PROSER2: variants seen among roughly 807,000 people sequenced by gnomAD.
PROSER2 encodes the protein proline and serine rich 2.
PROSER2 carries 18 observed loss-of-function variants against 14.6 expected under a neutral mutation model. That is an observed-to-expected ratio of 1.23 (90% CI 0.85 to 1.83). PROSER2 has a LOEUF of 1.83. Among genes scored for constraint, PROSER2 ranks in the 40% most tolerant of loss-of-function variants. The pLI is 0.00. For synonymous variants in PROSER2, 367 were observed against 286.4 expected (o/e 1.28, Z -2.84); for missense variants, 823 against 629.8 (o/e 1.31, Z -3.28).
chr10:11,840,918 G>A (rs1230280829), intron 1 of PROSER2, among the ~76,000 whole-genome samples: 2 of 76,100 alleles, frequency 2.6e-5, no homozygotes, highest in Non-Finnish European at 4.6e-5. Flanking sequence ...GAGTGAGACT[G>A]TCTCAAAAAA....
chr10:11,829,239 C>T (rs769766994), intron 1 of PROSER2, among the ~76,000 whole-genome samples: 16 of 151,582 alleles, frequency 1.1e-4, no homozygotes, highest in Non-Finnish European at 2.2e-4. Flanking sequence ...GGGAAGACAC[C>T]TGGGCATGTC....
Position 11,865,657 on chromosome 10 carries a change from C to T in PROSER2, c.139-874C>T, listed in dbSNP as rs1834329806. 6.6e-6 allele frequency among the ~76,000 whole-genome samples: 1 copy of T among 152,194 alleles called. No homozygotes were observed. Among genetic ancestry groups the T allele is most frequent in the Admixed American group, 6.5e-5 (1 of 15,280 alleles). ...GATTCCTCGGGTTCCCCAGAGATGA[C>T]ATGCACAGTCCTCCATCTGGAGGGC... is the stretch of plus-strand genomic sequence containing the variant. On this transcript the variant is annotated intron_variant, in intron 2 of 3. Coordinates refer to ENST00000277570, the MANE Select transcript of PROSER2 (RefSeq NM_153256.4). The surrounding 1 kb of genome is among the most constrained non-coding windows in gnomAD (Gnocchi z 4.2).
intron 2 of PROSER2, among the ~76,000 whole-genome samples, chr10:11,864,426 T>G (rs964861810): frequency 6.6e-6 from 1 of 152,178 alleles, no homozygotes; most frequent in East Asian, 1.9e-4. Context: ...TAACATGCGC[T>G]CTCTCTATAT....
rs746305205 is a variant in PROSER2, at chr10:11,865,425, T to C, written c.139-1106T>C. 2.0e-5 allele frequency among the ~76,000 whole-genome samples: 3 copies of C among 152,354 alleles called. No homozygotes were observed. Among genetic ancestry groups the C allele is most frequent in the Non-Finnish European group, 4.4e-5 (3 of 68,034 alleles). ...CTCCACATAGTTCATTTCCTGTAAG[T>C]TGCTTTTCTATCCTTTGATTTTGAT... On this transcript the variant is annotated intron_variant, in intron 2 of 3. Coordinates refer to ENST00000277570, the MANE Select transcript of PROSER2 (RefSeq NM_153256.4). The surrounding 1 kb of genome is among the most constrained non-coding windows in gnomAD (Gnocchi z 4.2).
chr10:11,829,071 C>G (rs886404842), intron 1 of PROSER2, among the ~76,000 whole-genome samples: 1 of 151,898 alleles, frequency 6.6e-6, no homozygotes, highest in African/African-American at 2.4e-5. Context: ...CATGGACCAG[C>G]GAAGCTTTCT....
intron 1 of PROSER2, among the ~76,000 whole-genome samples, chr10:11,831,371 A>G (rs1305233915): frequency 1.3e-5 from 2 of 152,230 alleles, no homozygotes; most frequent in African/African-American, 4.8e-5. Context: ...AAGACAAAGC[A>G]CACAAACTTG....
At chr10:11,847,587 T>C (rs1262429578) in intron 1 of PROSER2, among the ~76,000 whole-genome samples, 10 of 152,158 alleles carry the variant, frequency 6.6e-5, no homozygotes, top group Admixed American at 6.5e-4. Context: ...CTGGCTAATT[T>C]TTTGTGTTTT....
intron 1 of PROSER2, among the ~76,000 whole-genome samples, chr10:11,835,435 TTAC>T (rs1833747256): frequency 6.6e-6 from 1 of 152,202 alleles, no homozygotes; most frequent in South Asian, 2.1e-4. Flanking sequence ...AGTCTATAAA[TTAC>T]TTTTAGAGTA....
In PROSER2 at chr10:11,856,181, G is replaced by A. The variant is rs114768610; in HGVS notation, c.138+3966G>A. ...GATGCAGGCACAAAATAAAAGGCCC[G>A]AGAAGGGCTTGAGATGTCCATATGT... On this transcript the variant is annotated intron_variant, in intron 2 of 3. Coordinates refer to ENST00000277570, the MANE Select transcript of PROSER2 (RefSeq NM_153256.4). The surrounding 1 kb of genome is among the most constrained non-coding windows in gnomAD (Gnocchi z 5.3). Among the ~76,000 whole-genome samples the A allele has an allele frequency of 2.0e-5, 3 of 152,300 alleles. No homozygotes were observed. The highest frequency in any genetic ancestry group is 1.9e-4 in the East Asian group (1 of 5,176).
In PROSER2 at chr10:11,839,993, C is replaced by G. The variant is rs528860486; in HGVS notation, c.-81-12004C>G. Among the ~76,000 whole-genome samples the G allele has an allele frequency of 2.9e-3, 430 of 149,192 alleles. 5 individuals are homozygous for G. Among genetic ancestry groups the G allele is most frequent in the African/African-American group, 0.01 (419 of 40,634 alleles). The stretch of plus-strand genomic sequence containing the variant: ...TTGAGACAAGGTCTAGCTCTGTCAC[C>G]CAGGCTGGAGTGCAGTGGCCATGAT... On this transcript the variant is annotated intron_variant, in intron 1 of 3. Coordinates refer to ENST00000277570, the MANE Select transcript of PROSER2 (RefSeq NM_153256.4).
rs570263028 is a variant in PROSER2, at chr10:11,837,030, GT to G, written c.-82+13561del. On this transcript the variant is annotated intron_variant, in intron 1 of 3. Coordinates refer to ENST00000277570, the MANE Select transcript of PROSER2 (RefSeq NM_153256.4). The surrounding 1 kb of genome is among the most constrained non-coding windows in gnomAD (Gnocchi z 4.6). ...GGAGTCCCCACCTGCCCATCACTTA[GT>G]AGCCAACTCAGTTCTCAGATCAGCT... Among the ~76,000 whole-genome samples the G allele has an allele frequency of 2.5e-4, 38 of 152,302 alleles. No homozygotes were observed. Among genetic ancestry groups the G allele is most frequent in the African/African-American group, 8.9e-4 (37 of 41,564 alleles).
chr10:11,827,326 G>A lies in PROSER2; in HGVS notation c.-82+3856G>A, dbSNP rs550783035. Among the ~76,000 whole-genome samples, 9 of 152,262 alleles carry A rather than the reference G, an allele frequency of 5.9e-5. No individual in the cohort carries two copies. In the South Asian group the frequency reaches 1.9e-3, roughly 32 times the overall value. On this transcript the variant is annotated intron_variant, in intron 1 of 3. Coordinates refer to ENST00000277570, the MANE Select transcript of PROSER2 (RefSeq NM_153256.4). The stretch of plus-strand genomic sequence containing the variant: ...GCTTGTTGGCCACATCTTCTTTAGA[G>A]AAATGTCTGCTGAGAACTCGATTCT...
At chr10:11,847,575 G>T (rs545770249) in intron 1 of PROSER2, among the ~76,000 whole-genome samples, 4 of 152,110 alleles carry the variant, frequency 2.6e-5, no homozygotes, top group Admixed American at 2.6e-4. Flanking sequence ...CTGCCACCAC[G>T]CCTGGCTAAT....
chr10:11,869,795 C>T lies in PROSER2; in HGVS notation c.697C>T (p.Pro233Ser). The change falls in exon 4 of 4, where the codon CCC (proline) becomes TCC (serine). Residue 233 changes from proline (P) to serine (S), a missense_variant. Transcript: ENST00000277570. The surrounding 1 kb of genome is among the most constrained non-coding windows in gnomAD (Gnocchi z 4.4). ...GEWRTPAARGPRSGDPGPGPS... is the reference protein window; with the variant it reads ...GEWRTPAARGSRSGDPGPGPS... Reference sequence around the variant, plus strand: ...GTGGAGGACACCTGCCGCCCGGGGGCCCCGCAGTGGAGACCCTGGCCCGGG... The same window carrying T: ...GTGGAGGACACCTGCCGCCCGGGGGTCCCGCAGTGGAGACCCTGGCCCGGG... 6.4e-7 allele frequency: 1 copy of T among 1,554,446 alleles called. No homozygotes were observed. The highest frequency in any genetic ancestry group is 8.7e-7 in the Non-Finnish European group (1 of 1,151,778).
intron 1 of PROSER2, among the ~76,000 whole-genome samples, chr10:11,846,593 T>G (rs1833926649): frequency 6.6e-6 from 1 of 152,212 alleles, no homozygotes; most frequent in African/African-American, 2.4e-5. Context: ...ACTCTGCTTA[T>G]TTTTTAGGTC....
intron 1 of PROSER2, among the ~76,000 whole-genome samples, chr10:11,833,639 C>G (rs569195904): frequency 1.6e-4 from 24 of 151,974 alleles, no homozygotes; most frequent in Admixed American, 4.6e-4. Flanking sequence ...TGCAGTGAGC[C>G]GAGATCATGC....
At position 11,869,939 on chromosome 10, in the gene PROSER2, CG is replaced by C. The variant is rs1399652557; in HGVS notation, c.842del (p.Arg281ProfsTer72). 2.6e-6 allele frequency: 4 copies of C among 1,523,722 alleles called. No homozygotes were observed. Among genetic ancestry groups the C allele is most frequent in the Non-Finnish European group, 3.5e-6 (4 of 1,140,332 alleles). The allele number at this position is 1,523,722 out of a possible 1,614,324, so 94.4% of individuals were successfully genotyped here. Reference protein sequence around the residue: ...LSRAAVSVQERRAQVLATIHG... With the variant: ...LSRAAVSVQEXRAQVLATIHG... ...CAGGGCGGCCGTCAGCGTGCAGGAG[CG>C]CAGGGCGCAGGTGTTGGCCACCATC... is the stretch of plus-strand genomic sequence containing the variant. On this transcript the variant is annotated frameshift_variant, in exon 4 of 4. Transcript: ENST00000277570. LOFTEE classifies it low-confidence loss of function (END_TRUNC). The surrounding 1 kb of genome is among the most constrained non-coding windows in gnomAD (Gnocchi z 4.4).
At chr10:11,844,548 A>C (rs1418028817) in intron 1 of PROSER2, among the ~76,000 whole-genome samples, 2 of 152,174 alleles carry the variant, frequency 1.3e-5, no homozygotes, top group African/African-American at 4.8e-5. Context: ...TTTTATATAT[A>C]GTCCTAGACT....
In PROSER2 at chr10:11,859,858, C is replaced by G. The variant is rs557018621; in HGVS notation, c.139-6673C>G. On this transcript the variant is annotated intron_variant, in intron 2 of 3. Coordinates refer to ENST00000277570, the MANE Select transcript of PROSER2 (RefSeq NM_153256.4). ...TTCCTCTCCTGAAAAGAAATCATGG[C>G]CCATTTGCAGTCACTGCCCATCCCT... Among the ~76,000 whole-genome samples the G allele has an allele frequency of 3.9e-5, 6 of 152,362 alleles. 1 individual carries two copies. The highest frequency in any genetic ancestry group is 9.6e-5 in the African/African-American group (4 of 41,598).
Sources: gnomAD v4.1 joint callset for allele counts (sites outside exome capture counted in the v4.1 genomes callset) on GRCh38, gnomAD v4.1.1 for gene constraint, Gnocchi (gnomAD v3.1) non-coding constraint, MANE v1.5 for transcripts, NCBI Gene and HGNC (gene_info 2026-07-23, HGNC 2026-07-21) for gene names.